PPP6R2: variants seen among roughly 807,000 people sequenced by gnomAD.
PPP6R2 encodes the protein protein phosphatase 6 regulatory subunit 2.
PPP6R2 carries 62 observed loss-of-function variants against 100.2 expected under a neutral mutation model. The observed-to-expected ratio is 0.62, with a 90% CI of 0.50 to 0.76. The LOEUF is 0.76. Ranked by LOEUF, PPP6R2 falls within the 30% of genes least tolerant of loss-of-function variation. The probability of loss-of-function intolerance (pLI) is 0.00; values close to 1 mark genes in which losing one functional copy is unlikely to be tolerated. For synonymous variants in PPP6R2, 525 were observed against 514.7 expected, an observed-to-expected ratio of 1.02 and a Z score of -0.27; for missense variants, 1,142 against 1,276.3, an observed-to-expected ratio of 0.89 and a Z score of 1.60.
chr22:50,335,592 A>G, the PPP6R2 span, among the ~76,000 whole-genome samples: 4 of 151,090 alleles, frequency 2.6e-5, no homozygotes, highest in Admixed American at 2.6e-4. Flanking sequence ...GCACACTGCA[A>G]CTTCCACCTC....
intron 3 of PPP6R2, among the ~76,000 whole-genome samples, chr22:50,401,720 G>A (rs2058074219): frequency 6.6e-6 from 1 of 151,524 alleles, no homozygotes; most frequent in East Asian, 2.0e-4. Context: ...TCGGCTCACT[G>A]TAAGCTTCGC....
At chr22:50,398,783 A>T (rs944144749) in intron 3 of PPP6R2, among the ~76,000 whole-genome samples, 9 of 152,196 alleles carry the variant, frequency 5.9e-5, no homozygotes, top group African/African-American at 1.9e-4. Context: ...CCAAAGTGCT[A>T]GGATAGTGCT....
At chr22:50,414,824 G>C (rs2060300395) in intron 5 of PPP6R2, 135 bp downstream of exon 5, 2 of 998,204 alleles carry the variant, frequency 2.0e-6, no homozygotes, top group South Asian at 3.4e-5. Context: ...CCGTGGGGCT[G>C]TTAGGGGTTC....
chr22:50,356,794 C>T (rs2046688420), intron 1 of PPP6R2, among the ~76,000 whole-genome samples: 1 of 151,800 alleles, frequency 6.6e-6, no homozygotes, highest in African/African-American at 2.4e-5. Context: ...AATTAGCCGG[C>T]CATGGTGGCC....
chr22:50,394,099 A>C lies in PPP6R2; in HGVS notation c.191A>C (p.Asp64Ala). 1 of 1,614,174 alleles carries C rather than the reference A, an allele frequency of 6.2e-7. No homozygotes were observed. The highest frequency in any genetic ancestry group is 8.5e-7 in the Non-Finnish European group (1 of 1,180,032). Residue 64 changes from aspartate to alanine, a missense_variant, in exon 3 of 24, where the codon GAT (aspartate) becomes GCT (alanine). Around this residue, in one of 2 missense-constraint regions of PPP6R2, gnomAD observed 592 missense variants for 758.9 expected, o/e 0.78. Coordinates refer to ENST00000612753, the MANE Select transcript of PPP6R2 (RefSeq NM_001242898.2). Reference protein sequence around the residue: ...MEELVSLITQDPPLDMEEKVR... With the variant: ...MEELVSLITQAPPLDMEEKVR... Reference sequence around the variant, plus strand: ...GAGCTGGTGAGCCTCATCACACAGGATCCGCCCCTGGACATGGAGGAGAAG... The same window carrying C: ...GAGCTGGTGAGCCTCATCACACAGGCTCCGCCCCTGGACATGGAGGAGAAG...
upstream of PPP6R2, among the ~76,000 whole-genome samples, chr22:50,339,907 GGTATGTGGT>G (rs1308384233): frequency 1.6e-5 from 2 of 123,562 alleles, no homozygotes; most frequent in African/African-American, 6.0e-5. Flanking sequence ...TGGTGTGTGT[GGTATGTGGT>G]GTGTGTGTGG....
chr22:50,339,788 G>GGTGTGGT (rs2042349667), upstream of PPP6R2, among the ~76,000 whole-genome samples: 1 of 115,786 alleles, frequency 8.6e-6, no homozygotes, highest in Non-Finnish European at 1.6e-5. Context: ...GTGTGTGTGT[G>GGTGTGGT]GTGTGTGTGG....
intron 7 of PPP6R2, 31 bp from the exon 8 acceptor site, chr22:50,419,318 C>T (rs2060989868): frequency 6.3e-7 from 1 of 1,581,134 alleles, no homozygotes; most frequent in Non-Finnish European, 8.7e-7. Flanking sequence ...GTCTGCTCTG[C>T]CAGGCAGTGA....
chr22:50,419,572 T>C (rs994530572), intron 8 of PPP6R2, 110 bp downstream of exon 8: 2 of 764,406 alleles, frequency 2.6e-6, no homozygotes, highest in Non-Finnish European at 4.4e-6. Context: ...TTTTTGATTA[T>C]GCAAGTAACA....
At chr22:50,442,329 T>C (rs1200719492) in intron 22 of PPP6R2, among the ~76,000 whole-genome samples, 1 of 152,192 alleles carries the variant, frequency 6.6e-6, no homozygotes, top group East Asian at 1.9e-4. Context: ...CCCCGCCCTG[T>C]TGACCAGCAG....
At chr22:50,436,016 A>C (rs1406840335) in intron 13 of PPP6R2, among the ~76,000 whole-genome samples, 1 of 152,164 alleles carries the variant, frequency 6.6e-6, no homozygotes, top group Non-Finnish European at 1.5e-5. Context: ...CTGCTTTCTC[A>C]GATTCTGTTC....
intron 2 of PPP6R2, among the ~76,000 whole-genome samples, chr22:50,375,279 A>G (rs2051228753): frequency 6.6e-6 from 1 of 152,206 alleles, no homozygotes; most frequent in South Asian, 2.1e-4. Context: ...ATGAAAAAAC[A>G]TAAATAAAAG....
intron 1 of PPP6R2, among the ~76,000 whole-genome samples, chr22:50,355,923 A>G (rs1488322852): frequency 6.6e-6 from 1 of 150,824 alleles, no homozygotes; most frequent in African/African-American, 2.4e-5. Context: ...GTATATATTT[A>G]TGGGGTACAT....
In PPP6R2 at chr22:50,393,986, G is replaced by C. The variant is rs1409281026; in HGVS notation, c.78G>C (p.Glu26Asp). The change falls in exon 3 of 24, where the codon GAG becomes GAC. Residue 26 changes from glutamate to aspartate, a missense_variant. Physicochemically the swap from Glu to Asp is conservative, Grantham distance 45. Coordinates refer to ENST00000612753, the MANE Select transcript of PPP6R2 (RefSeq NM_001242898.2). ...ACAAGGAGCATGTGACGCTGCAGGA[G>C]TTAATGGATGAAGATGACATCTTGC... ...LLDKEHVTLQ[E>D]LMDEDDILQE... is the part of the protein sequence containing the mutation. The C allele has an allele frequency of 6.2e-7, 1 of 1,614,218 alleles. No individual in the cohort carries two copies. Among genetic ancestry groups the C allele is most frequent in the Non-Finnish European group, 8.5e-7 (1 of 1,180,048 alleles).
At chr22:50,412,388 G>A (rs1256234830) in intron 4 of PPP6R2, among the ~76,000 whole-genome samples, 3 of 151,588 alleles carry the variant, frequency 2.0e-5, no homozygotes, top group Non-Finnish European at 4.4e-5. Context: ...GACCATGTTG[G>A]CCAGGCTGGC....
Position 50,437,901 on chromosome 22 carries a change from G to A in PPP6R2, c.1839+1G>A. 6.4e-7 allele frequency: 1 copy of A among 1,557,468 alleles called. No homozygotes were observed. Among genetic ancestry groups the A allele is most frequent in the Non-Finnish European group, 8.7e-7 (1 of 1,150,622 alleles). On this transcript the variant is annotated splice_donor_variant, in intron 17 of 23. Coordinates refer to ENST00000612753, the MANE Select transcript of PPP6R2 (RefSeq NM_001242898.2). LOFTEE classifies it high-confidence loss of function. The stretch of plus-strand genomic sequence containing the variant: ...CAACATCGACGCTGACGAGGACAGT[G>A]TGAGCAAGCCGGGCTGTGTGGGGTG...
intron 21 of PPP6R2, 146 bp downstream of exon 21, chr22:50,440,195 C>G: frequency 1.3e-6 from 1 of 775,340 alleles, no homozygotes; most frequent in Non-Finnish European, 2.0e-6. Flanking sequence ...TTTGATACAG[C>G]AATGGGACTG....
upstream of PPP6R2, among the ~76,000 whole-genome samples, chr22:50,339,737 GGTATATAGTATGTGGTGGT>G (rs2042348282): frequency 7.3e-6 from 1 of 136,062 alleles, no homozygotes; most frequent in African/African-American, 2.9e-5. Flanking sequence ...TTGTGTGTGT[GGTATATAGTATGTGGTGGT>G]GTGTGGTGTG....
chr22:50,379,448 A>G (rs2052401715), intron 2 of PPP6R2, among the ~76,000 whole-genome samples: 1 of 152,118 alleles, frequency 6.6e-6, no homozygotes. Context: ...GTAAGTTAAG[A>G]TCACACCACT....
Sources: gnomAD v4.1 joint callset for allele counts (sites outside exome capture counted in the v4.1 genomes callset) on GRCh38, gnomAD v4.1.1 for gene constraint, gnomAD v4.1.1 regional missense constraint, MANE v1.5 for transcripts, NCBI Gene and HGNC (gene_info 2026-07-23, HGNC 2026-07-21) for gene names.